The following CFAP97D2 variants were observed in gnomAD, a reference collection of about 807,000 sequenced individuals.
CFAP97D2 encodes uncharacterized protein CFAP97D2.
chr13:114,212,702 A>G (rs780448838), intron 4 of CFAP97D2, among the ~76,000 whole-genome samples: 3 of 152,090 alleles, frequency 2.0e-5, no homozygotes, highest in Non-Finnish European at 2.9e-5. Context: ...AATACAAAAA[A>G]TTAGCCAAGT....
At chr13:114,191,259 T>C (rs1300831797) in intron 1 of CFAP97D2, among the ~76,000 whole-genome samples, 1 of 152,050 alleles carries the variant, frequency 6.6e-6, no homozygotes, top group African/African-American at 2.4e-5. Flanking sequence ...ATGAAAGAAA[T>C]TATTGACAAG....
chr13:114,207,897 C>G lies in CFAP97D2; in HGVS notation c.291-4015C>G, dbSNP rs896596251. Among the ~76,000 whole-genome samples, 2 of 152,218 alleles carry G rather than the reference C, an allele frequency of 1.3e-5. No homozygotes were observed. The highest frequency in any genetic ancestry group is 4.1e-4 in the South Asian group (2 of 4,830). Reference sequence around the variant, plus strand: ...TCAGGTCCAAAATATGTCCCATGCTCTTCCTCTAAGAGAAGACATTGGCCA... The same window carrying G: ...TCAGGTCCAAAATATGTCCCATGCTGTTCCTCTAAGAGAAGACATTGGCCA... On this transcript the variant is annotated intron_variant, in intron 3 of 4. Transcript: ENST00000646158. The surrounding 1 kb of genome is among the most constrained non-coding windows in gnomAD (Gnocchi z 4.9).
chr13:114,181,594 C>T (rs2138745025), intron 1 of CFAP97D2, among the ~76,000 whole-genome samples: 1 of 152,264 alleles, frequency 6.6e-6, no homozygotes, highest in South Asian at 2.1e-4. Context: ...CACAGTTCTC[C>T]AACTGGCACT....
chr13:114,210,900 C>T (rs1191690189), intron 3 of CFAP97D2, among the ~76,000 whole-genome samples: 3 of 141,952 alleles, frequency 2.1e-5, no homozygotes, highest in Non-Finnish European at 4.5e-5. Context: ...ACTTTAATGG[C>T]TCTGAGATGG....
chr13:114,219,593 A>T (rs558650421), intron 4 of CFAP97D2, among the ~76,000 whole-genome samples: 57 of 152,376 alleles, frequency 3.7e-4, no homozygotes, highest in Admixed American at 5.9e-4. Flanking sequence ...GCAGCCACAG[A>T]CCAGTCACTG....
At chr13:114,184,496 A>T (rs912700761) in intron 1 of CFAP97D2, among the ~76,000 whole-genome samples, 1 of 152,210 alleles carries the variant, frequency 6.6e-6, no homozygotes, top group Non-Finnish European at 1.5e-5. Flanking sequence ...AAGCCAGAGG[A>T]ACAAGACTCC....
chr13:114,197,705 TAG>T (rs2080893947), intron 2 of CFAP97D2, among the ~76,000 whole-genome samples: 2 of 144,694 alleles, frequency 1.4e-5, no homozygotes, highest in Non-Finnish European at 2.9e-5. Context: ...GTTTTTGAGA[TAG>T]AGTCTCACTG....
chr13:114,219,755 G>A (rs186791680), intron 4 of CFAP97D2, among the ~76,000 whole-genome samples: 2 of 152,212 alleles, frequency 1.3e-5, no homozygotes, highest in Non-Finnish European at 2.9e-5. Flanking sequence ...CATGGGAAAC[G>A]ACTCATTGTC....
intron 3 of CFAP97D2, among the ~76,000 whole-genome samples, chr13:114,209,466 T>C (rs2080956881): frequency 6.6e-6 from 1 of 152,238 alleles, no homozygotes; most frequent in Admixed American, 6.5e-5. Flanking sequence ...TCAGGGGCCC[T>C]TCCTGGTATG....
intron 1 of CFAP97D2, among the ~76,000 whole-genome samples, chr13:114,195,795 G>A (rs1469635225): frequency 6.6e-6 from 1 of 152,074 alleles, no homozygotes; most frequent in Non-Finnish European, 1.5e-5. Flanking sequence ...CTGGCAGCTG[G>A]GTGCAGTGGC....
intron 4 of CFAP97D2, among the ~76,000 whole-genome samples, chr13:114,221,388 A>G (rs2081021467): frequency 6.6e-6 from 1 of 152,286 alleles, no homozygotes; most frequent in Admixed American, 6.5e-5. Flanking sequence ...CGGGAAAAGT[A>G]CTTTGCTGCA....
chr13:114,203,444 T>C lies in CFAP97D2; in HGVS notation c.290+3001T>C, dbSNP rs180702876. 6.6e-4 allele frequency among the ~76,000 whole-genome samples: 101 copies of C among 152,318 alleles called. No individual in the cohort carries two copies. The highest frequency in any genetic ancestry group is 1.2e-3 in the Non-Finnish European group (82 of 68,030). The stretch of plus-strand genomic sequence containing the variant: ...TAAATGGAAAAATATCCCACGTGTA[T>C]GGATTCAGAAGTCTTGCTATATTAA... On this transcript the variant is annotated intron_variant, in intron 3 of 4. Transcript: ENST00000646158. The surrounding 1 kb of genome is among the most constrained non-coding windows in gnomAD (Gnocchi z 4.3).
intron 3 of CFAP97D2, among the ~76,000 whole-genome samples, chr13:114,206,421 A>G (rs1251073479): frequency 6.6e-6 from 1 of 152,072 alleles, no homozygotes; most frequent in Non-Finnish European, 1.5e-5. Flanking sequence ...TTTTTAAATA[A>G]ATGTTTCTTC....
intron 4 of CFAP97D2, among the ~76,000 whole-genome samples, chr13:114,221,204 G>A (rs1001891185): frequency 6.6e-5 from 10 of 152,202 alleles, no homozygotes; most frequent in Admixed American, 3.3e-4. Flanking sequence ...CCGACATCGC[G>A]CCACTGCACT....
Position 114,203,068 on chromosome 13 carries a change from A to C in CFAP97D2, c.290+2625A>C. 6.6e-6 allele frequency among the ~76,000 whole-genome samples: 1 copy of C among 152,244 alleles called. No individual in the cohort carries two copies. The highest frequency in any genetic ancestry group is 1.9e-4 in the East Asian group (1 of 5,198). On this transcript the variant is annotated intron_variant, in intron 3 of 4. Coordinates refer to ENST00000646158, the Ensembl canonical transcript of CFAP97D2. The surrounding 1 kb of genome is among the most constrained non-coding windows in gnomAD (Gnocchi z 4.3). ...TTTAATTTGCAACAGAATTTAGAAA[A>C]GTGCAAGCCTCACTGGACATGAAAA...
rs1236422816 is a variant in CFAP97D2, at chr13:114,203,847, A to AT, written c.290+3406dup. 6.6e-6 allele frequency among the ~76,000 whole-genome samples: 1 copy of AT among 152,206 alleles called. No homozygotes were observed. The highest frequency in any genetic ancestry group is 2.4e-5 in the African/African-American group (1 of 41,444). ...TAAACACTTGTCAGATGGGGCAGAG[A>AT]TTCTGGGCATTTGGCTGTCTCAAAC... On this transcript the variant is annotated intron_variant, in intron 3 of 4. Coordinates refer to ENST00000646158, the Ensembl canonical transcript of CFAP97D2. The surrounding 1 kb of genome is among the most constrained non-coding windows in gnomAD (Gnocchi z 4.3).
intron 1 of CFAP97D2, among the ~76,000 whole-genome samples, chr13:114,182,454 C>T (rs9525190): frequency 0.063 from 9,527 of 151,736 alleles, 368 homozygotes; most frequent in African/African-American, 0.11. Context: ...AAGAGGCCTT[C>T]CTCTTTTACT....
intron 4 of CFAP97D2, among the ~76,000 whole-genome samples, chr13:114,216,651 T>A (rs908802602): frequency 6.6e-6 from 1 of 152,262 alleles, no homozygotes; most frequent in African/African-American, 2.4e-5. Flanking sequence ...TAGTATTCCA[T>A]GGTGCATATG....
rs747712141 is a variant in CFAP97D2, at chr13:114,187,430, T to C, written c.90+8010T>C. Among the ~76,000 whole-genome samples, 14 of 151,738 alleles carry C rather than the reference T, an allele frequency of 9.2e-5. No homozygotes were observed. The highest frequency in any genetic ancestry group is 6.2e-4 in the South Asian group (3 of 4,804). The stretch of plus-strand genomic sequence containing the variant: ...AGACATATAGCTTAAAAGTAAATGA[T>C]TGAAAAAAATATACCATGTCAACAC... On this transcript the variant is annotated intron_variant, in intron 1 of 4. Coordinates refer to ENST00000646158, the Ensembl canonical transcript of CFAP97D2. The surrounding 1 kb of genome is among the most constrained non-coding windows in gnomAD (Gnocchi z 4.2).
Sources: gnomAD v4.1 joint callset for allele counts (sites outside exome capture counted in the v4.1 genomes callset) on GRCh38, gnomAD v4.1.1 for gene constraint, Gnocchi (gnomAD v3.1) non-coding constraint, MANE v1.5 for transcripts, NCBI Gene and HGNC (gene_info 2026-07-23, HGNC 2026-07-21) for gene names.